The following FHIT variants were observed in gnomAD, a reference collection of about 807,000 sequenced individuals.
FHIT encodes fragile histidine triad diadenosine triphosphatase.
In FHIT, 19 loss-of-function variants were observed where a neutral mutation model predicts 17.9. The ratio of observed to expected loss-of-function variants is 1.06; its 90% CI spans 0.74 to 1.56. FHIT has a LOEUF of 1.56. Ranked by LOEUF, FHIT falls within the 40% of genes most tolerant of loss-of-function variation. The pLI is 0.00. For missense variants in FHIT, 248 were observed against 189.2 expected, an observed-to-expected ratio of 1.31 and a Z score of -1.82; for synonymous variants, 81 against 69.7, an observed-to-expected ratio of 1.16 and a Z score of -0.81.
intron 4 of FHIT, among the ~76,000 whole-genome samples, chr3:60,805,814 C>A (rs2106689004): frequency 6.6e-6 from 1 of 152,288 alleles, no homozygotes; most frequent in Non-Finnish European, 1.5e-5. Flanking sequence ...CCACCTCGGC[C>A]TCCCAAAGTG....
intron 3 of FHIT, among the ~76,000 whole-genome samples, chr3:60,969,103 T>C (rs995166551): frequency 6.6e-6 from 1 of 152,284 alleles, no homozygotes; most frequent in South Asian, 2.1e-4. Context: ...TACATATAAC[T>C]GATATTGCTT....
chr3:60,810,702 T>C (rs782293237), intron 4 of FHIT, among the ~76,000 whole-genome samples: 13 of 151,950 alleles, frequency 8.6e-5, no homozygotes, highest in Non-Finnish European at 1.6e-4. Context: ...AGAAATTGCT[T>C]CTTAAAAAAC....
At chr3:60,222,692 T>C (rs999186728) in intron 5 of FHIT, among the ~76,000 whole-genome samples, 1 of 152,088 alleles carries the variant, frequency 6.6e-6, no homozygotes, top group African/African-American at 2.4e-5. Context: ...CCTTTAAATA[T>C]AACTTCAGTA....
At chr3:60,612,558 T>C (rs530736595) in intron 4 of FHIT, among the ~76,000 whole-genome samples, 9 of 152,228 alleles carry the variant, frequency 5.9e-5, no homozygotes, top group Admixed American at 2.6e-4. Context: ...AAAAGGTATA[T>C]CTATTGCTTA....
intron 5 of FHIT, among the ~76,000 whole-genome samples, chr3:60,423,374 T>G (rs1702546661): frequency 6.6e-6 from 1 of 152,132 alleles, no homozygotes; most frequent in African/African-American, 2.4e-5. Flanking sequence ...ACATAAAACA[T>G]TATAACCAAC....
intron 3 of FHIT, among the ~76,000 whole-genome samples, chr3:60,949,215 A>C (rs1708770293): frequency 6.6e-6 from 1 of 152,090 alleles, no homozygotes; most frequent in Admixed American, 6.5e-5. Context: ...CCCCTACCAA[A>C]TACCACACCA....
At chr3:61,017,577 T>C (rs1331946623) in intron 3 of FHIT, among the ~76,000 whole-genome samples, 1 of 152,198 alleles carries the variant, frequency 6.6e-6, no homozygotes, top group East Asian at 1.9e-4. Context: ...TAGCCTTGAT[T>C]AGGGACATAT....
chr3:60,072,039 T>A (rs1702796577), intron 5 of FHIT, among the ~76,000 whole-genome samples: 1 of 151,942 alleles, frequency 6.6e-6, no homozygotes, highest in Non-Finnish European at 1.5e-5. Context: ...AGTCTCAGGT[T>A]TGTCTTTACT....
At chr3:59,937,974 G>C (rs1190619839) in intron 7 of FHIT, among the ~76,000 whole-genome samples, 1 of 152,122 alleles carries the variant, frequency 6.6e-6, no homozygotes, top group Non-Finnish European at 1.5e-5. Context: ...TCCTCTTCCA[G>C]CATGGGGCAA....
intron 4 of FHIT, among the ~76,000 whole-genome samples, chr3:60,737,481 AG>A (rs1188418394): frequency 7.9e-5 from 12 of 152,228 alleles, no homozygotes; most frequent in African/African-American, 2.9e-4. Flanking sequence ...GCCTACATGA[AG>A]ATAGTCTAAA....
chr3:60,103,097 T>C (rs1475444345), intron 5 of FHIT, among the ~76,000 whole-genome samples: 1 of 152,212 alleles, frequency 6.6e-6, no homozygotes, highest in African/African-American at 2.4e-5. Context: ...GCTTACTGCT[T>C]GACCCAGCTC....
At chr3:60,107,348 T>C (rs1215524344) in intron 5 of FHIT, among the ~76,000 whole-genome samples, 1 of 152,092 alleles carries the variant, frequency 6.6e-6, no homozygotes, top group African/African-American at 2.4e-5. Context: ...AATACAGATA[T>C]ACAATTCATA....
chr3:60,680,164 G>A (rs2040713152), intron 4 of FHIT, among the ~76,000 whole-genome samples: 1 of 152,142 alleles, frequency 6.6e-6, no homozygotes, highest in Non-Finnish European at 1.5e-5. Flanking sequence ...AGTTTGCTCT[G>A]TGAATGATAA....
intron 1 of FHIT, among the ~76,000 whole-genome samples, chr3:61,215,405 T>A (rs1388902384): frequency 6.6e-6 from 1 of 151,420 alleles, no homozygotes; most frequent in Non-Finnish European, 1.5e-5. Context: ...TGAACTCCCA[T>A]TCACAATTGC....
At chr3:60,599,562 T>C (rs1411877664) in intron 4 of FHIT, among the ~76,000 whole-genome samples, 1 of 152,024 alleles carries the variant, frequency 6.6e-6, no homozygotes, top group African/African-American at 2.4e-5. Flanking sequence ...AACTTAACCA[T>C]TGTGGGGAAG....
At chr3:59,899,882 G>C (rs1484852360) in intron 8 of FHIT, among the ~76,000 whole-genome samples, 1 of 152,118 alleles carries the variant, frequency 6.6e-6, no homozygotes, top group Admixed American at 6.5e-5. Context: ...AGCTATTGCA[G>C]GCCTAGCACT....
intron 2 of FHIT, among the ~76,000 whole-genome samples, chr3:61,159,920 G>A (rs1297031770): frequency 6.6e-6 from 1 of 152,168 alleles, no homozygotes; most frequent in Admixed American, 6.5e-5. Flanking sequence ...TTTCTGTGAG[G>A]ATCGGTACCT....
intron 5 of FHIT, among the ~76,000 whole-genome samples, chr3:60,211,905 G>A (rs1703468641): frequency 6.6e-6 from 1 of 152,124 alleles, no homozygotes; most frequent in African/African-American, 2.4e-5. Flanking sequence ...TTCATATGAT[G>A]AGGCCAATAT....
intron 3 of FHIT, among the ~76,000 whole-genome samples, chr3:60,888,904 T>A (rs1048315602): frequency 6.6e-6 from 1 of 152,200 alleles, no homozygotes; most frequent in Admixed American, 6.5e-5. Flanking sequence ...ATTGATACAA[T>A]CCACCTCAGA....
Sources: allele counts gnomAD v4.1 joint callset (sites outside exome capture counted in the v4.1 genomes callset), GRCh38; gene constraint gnomAD v4.1.1; transcripts MANE v1.5; gene names NCBI Gene and HGNC (gene_info 2026-07-23, HGNC 2026-07-21).